The following GRID2 variants were observed in gnomAD, a reference collection of about 807,000 sequenced individuals.
GRID2 encodes the protein glutamate receptor ionotropic, delta-2.
Under a neutral mutation model 114.8 loss-of-function variants are expected in GRID2, and 33 were observed. That is an observed-to-expected ratio of 0.29 (90% confidence interval 0.22 to 0.38). The LOEUF (loss-of-function observed/expected upper bound fraction) is 0.38, where lower values mean the gene tolerates loss of function less well. GRID2 is among the 10% of genes least tolerant of loss of function. The pLI, the probability that GRID2 is intolerant of heterozygous loss-of-function variation, is 1.00. For missense variants in GRID2, 1,184 were observed against 1,257.7 expected (o/e 0.94, Z 0.89); for synonymous variants, 505 against 449.9 (o/e 1.12, Z -1.55).
chr4:92,559,255 T>C (rs773524682), intron 1 of GRID2, among the ~76,000 whole-genome samples: 2 of 152,194 alleles, frequency 1.3e-5, no homozygotes, highest in Non-Finnish European at 2.9e-5. Context: ...CATCAGACTA[T>C]CAAATATTGA....
intron 1 of GRID2, among the ~76,000 whole-genome samples, chr4:92,357,790 G>A (rs545099392): frequency 2.4e-4 from 37 of 151,856 alleles, no homozygotes; most frequent in Non-Finnish European, 4.7e-4. Flanking sequence ...TTTAAATACA[G>A]TTTTAAAATA....
At chr4:92,504,740 T>C (rs956253572) in intron 1 of GRID2, among the ~76,000 whole-genome samples, 1 of 151,984 alleles carries the variant, frequency 6.6e-6, no homozygotes, top group Non-Finnish European at 1.5e-5. Context: ...CCTAAAATAA[T>C]CACACTGGCT....
At chr4:93,417,070 T>A in intron 9 of GRID2, among the ~76,000 whole-genome samples, 1 of 152,122 alleles carries the variant, frequency 6.6e-6, no homozygotes, top group Non-Finnish European at 1.5e-5. Flanking sequence ...TAATACTCTT[T>A]GAAACTAATT....
chr4:92,974,508 T>C (rs1309055021), intron 2 of GRID2, among the ~76,000 whole-genome samples: 1 of 151,888 alleles, frequency 6.6e-6, no homozygotes, highest in Non-Finnish European at 1.5e-5. Context: ...TTTGCAGCCA[T>C]AAAAAAGGAT....
At chr4:92,766,093 A>C (rs537643730) in intron 2 of GRID2, among the ~76,000 whole-genome samples, 130 of 152,326 alleles carry the variant, frequency 8.5e-4, no homozygotes, top group African/African-American at 3.0e-3. Flanking sequence ...TTCATAGCCT[A>C]CAGTCAATAC....
intron 13 of GRID2, among the ~76,000 whole-genome samples, chr4:93,618,049 CA>C (rs1255880409): frequency 6.6e-6 from 1 of 152,172 alleles, no homozygotes; most frequent in Non-Finnish European, 1.5e-5. Flanking sequence ...TTACTCATGA[CA>C]TGGGGCTTTT....
At chr4:92,982,648 C>G (rs886504738) in intron 2 of GRID2, among the ~76,000 whole-genome samples, 2 of 152,040 alleles carry the variant, frequency 1.3e-5, no homozygotes, top group African/African-American at 4.8e-5. Context: ...TCCTCTCAAA[C>G]ATTCTTTACT....
chr4:93,166,217 A>T (rs1046717963), intron 4 of GRID2: 16 of 152,180 alleles, frequency 1.1e-4, no homozygotes, highest in African/African-American at 3.9e-4. Flanking sequence ...TGTTAGCTAA[A>T]AATTTTAGTA....
chr4:92,767,545 G>A (rs1027944560), intron 2 of GRID2, among the ~76,000 whole-genome samples: 33 of 152,102 alleles, frequency 2.2e-4, no homozygotes, highest in Admixed American at 1.5e-3. Flanking sequence ...GAGGTCAGGA[G>A]TTCAAGACCA....
intron 14 of GRID2, among the ~76,000 whole-genome samples, chr4:93,711,780 G>C (rs1208583999): frequency 6.6e-6 from 1 of 152,172 alleles, no homozygotes; most frequent in African/African-American, 2.4e-5. Context: ...TGGGCGGGTG[G>C]TGGTGTAGAC....
intron 2 of GRID2, among the ~76,000 whole-genome samples, chr4:92,880,701 C>A (rs1391161860): frequency 3.3e-5 from 5 of 152,018 alleles, no homozygotes; most frequent in African/African-American, 1.2e-4. Flanking sequence ...AAAAACACAA[C>A]AATTTGGCCA....
chr4:92,580,663 T>G (rs1728137580), intron 1 of GRID2, among the ~76,000 whole-genome samples: 1 of 151,940 alleles, frequency 6.6e-6, no homozygotes, highest in Non-Finnish European at 1.5e-5. Context: ...GAGGATCACA[T>G]TCACATTATG....
At chr4:93,622,679 G>C (rs1742318753) in intron 13 of GRID2, among the ~76,000 whole-genome samples, 4 of 152,138 alleles carry the variant, frequency 2.6e-5, no homozygotes, top group Admixed American at 1.3e-4. Flanking sequence ...CTCATGGTTT[G>C]GTTGGGGTTC....
intron 1 of GRID2, among the ~76,000 whole-genome samples, chr4:92,481,069 A>G (rs2149104613): frequency 6.6e-6 from 1 of 152,244 alleles, no homozygotes; most frequent in Non-Finnish European, 1.5e-5. Flanking sequence ...AATAGAGTTA[A>G]ATTTCTGAAG....
At chr4:92,501,011 G>A (rs112847960) in intron 1 of GRID2, among the ~76,000 whole-genome samples, 1,573 of 152,154 alleles carry the variant, frequency 0.01, 26 homozygotes, top group African/African-American at 0.036. Context: ...AGAGTTACGT[G>A]CTATTTTTCT....
At chr4:93,456,988 C>T (rs1254515180) in intron 11 of GRID2, among the ~76,000 whole-genome samples, 1 of 152,100 alleles carries the variant, frequency 6.6e-6, no homozygotes, top group Non-Finnish European at 1.5e-5. Flanking sequence ...TTCACAGACA[C>T]TTTTAGTTCT....
At chr4:93,314,240 G>T in intron 8 of GRID2, among the ~76,000 whole-genome samples, 1 of 149,532 alleles carries the variant, frequency 6.7e-6, no homozygotes, top group African/African-American at 2.5e-5. Context: ...GGGAGGTGGA[G>T]GTTGCAGTGA....
At chr4:92,446,255 T>C (rs112701305) in intron 1 of GRID2, among the ~76,000 whole-genome samples, 57 of 152,282 alleles carry the variant, frequency 3.7e-4, no homozygotes, top group African/African-American at 1.4e-3. Context: ...CTTTATCCCA[T>C]ATTTGATTTA....
chr4:92,618,377 C>G (rs1312843189), intron 2 of GRID2, among the ~76,000 whole-genome samples: 2 of 151,452 alleles, frequency 1.3e-5, no homozygotes, highest in African/African-American at 4.8e-5. Context: ...TATTTCTGTT[C>G]TTACGAAAGC....
Sources: gnomAD v4.1 joint callset for allele counts (sites outside exome capture counted in the v4.1 genomes callset) on GRCh38, gnomAD v4.1.1 for gene constraint, MANE v1.5 for transcripts, NCBI Gene and HGNC (gene_info 2026-07-23, HGNC 2026-07-21) for gene names.